CDH13: variants seen among roughly 807,000 people sequenced by gnomAD.
CDH13 encodes the protein cadherin-13.
CDH13 carries 24 observed loss-of-function variants against 63.8 expected under a neutral mutation model. The ratio of observed to expected loss-of-function variants is 0.38; its 90% CI spans 0.27 to 0.53. CDH13 has a LOEUF of 0.53. Ranked by LOEUF, CDH13 falls within the 20% of genes least tolerant of loss-of-function variation. The pLI, the probability that CDH13 is intolerant of heterozygous loss-of-function variation, is 0.85. For synonymous variants in CDH13, 503 were observed against 355.3 expected (o/e 1.42, Z -4.67); for missense variants, 1,049 against 903.1 (o/e 1.16, Z -2.07).
At chr16:82,886,544 C>T (rs1435311518) in intron 2 of CDH13, among the ~76,000 whole-genome samples, 1 of 141,172 alleles carries the variant, frequency 7.1e-6, no homozygotes, top group African/African-American at 2.7e-5. Context: ...AAATTATCAA[C>T]TTAGAATATT....
intron 3 of CDH13, among the ~76,000 whole-genome samples, chr16:83,090,293 G>A (rs1028477226): frequency 2.0e-5 from 3 of 152,196 alleles, no homozygotes; most frequent in Admixed American, 2.0e-4. Flanking sequence ...ATTCGTTTGT[G>A]GGCCGGGCAC....
intron 5 of CDH13, among the ~76,000 whole-genome samples, chr16:83,244,940 G>C (rs144438985): frequency 1.3e-5 from 2 of 152,050 alleles, no homozygotes; most frequent in Non-Finnish European, 2.9e-5. Flanking sequence ...ACGGTGTTCA[G>C]CATAAGCCAT....
intron 1 of CDH13, among the ~76,000 whole-genome samples, chr16:82,852,443 C>T (rs1451256846): frequency 2.0e-5 from 3 of 152,170 alleles, no homozygotes; most frequent in Non-Finnish European, 2.9e-5. Flanking sequence ...GGGAGTCCTT[C>T]CTTCCTATTT....
chr16:83,070,787 G>A (rs1310372195), intron 3 of CDH13, among the ~76,000 whole-genome samples: 1 of 151,000 alleles, frequency 6.6e-6, no homozygotes, highest in South Asian at 2.1e-4. Flanking sequence ...ACCTAGTTCA[G>A]CAAAGGAGTT....
chr16:83,228,366 C>T (rs1014850413), intron 5 of CDH13, among the ~76,000 whole-genome samples: 1 of 152,148 alleles, frequency 6.6e-6, no homozygotes, highest in African/African-American at 2.4e-5. Flanking sequence ...AAAATTATTG[C>T]ATGGTTTGTT....
Position 83,297,647 on chromosome 16 carries a change from T to G in CDH13, c.637-47215T>G, listed in dbSNP as rs139402093. Reference sequence around the variant, plus strand: ...AAAATGTTGGAAAGAGTCCTTGATATATGGAAACTGACAAAGACATAACTT... The same window carrying G: ...AAAATGTTGGAAAGAGTCCTTGATAGATGGAAACTGACAAAGACATAACTT... On this transcript the variant is annotated intron_variant, in intron 5 of 13. Coordinates refer to ENST00000567109, the MANE Select transcript of CDH13 (RefSeq NM_001257.5). Among the ~76,000 whole-genome samples the G allele has an allele frequency of 4.7e-3, 722 of 152,218 alleles. 18 individuals are homozygous for G. Among genetic ancestry groups the G allele is most frequent in the Admixed American group, 0.03 (456 of 15,292 alleles).
chr16:83,174,872 C>G (rs1345277284), intron 4 of CDH13, among the ~76,000 whole-genome samples: 1 of 151,946 alleles, frequency 6.6e-6, no homozygotes, highest in African/African-American at 2.4e-5. Flanking sequence ...GGAGAACTGC[C>G]AAACACTTTT....
intron 4 of CDH13, chr16:83,181,110 T>G (rs1167722185): frequency 6.6e-6 from 7 of 1,065,700 alleles, no homozygotes; most frequent in Admixed American, 2.7e-5. Flanking sequence ...ATCACATTAT[T>G]GGGTATTTGG....
chr16:82,760,233 AG>A (rs1179244888), intron 1 of CDH13, among the ~76,000 whole-genome samples: 2 of 152,120 alleles, frequency 1.3e-5, no homozygotes, highest in Non-Finnish European at 2.9e-5. Flanking sequence ...GTACTTACTG[AG>A]GGGGTAGAAG....
intron 4 of CDH13, among the ~76,000 whole-genome samples, chr16:83,198,483 G>A (rs2038938711): frequency 6.6e-6 from 1 of 152,180 alleles, no homozygotes; most frequent in Non-Finnish European, 1.5e-5. Context: ...AAAGTTGGAT[G>A]TCTTGTTGTG....
intron 1 of CDH13, among the ~76,000 whole-genome samples, chr16:82,752,927 T>C (rs998576935): frequency 1.1e-4 from 17 of 152,234 alleles, no homozygotes; most frequent in African/African-American, 3.6e-4. Flanking sequence ...ATATAATAGA[T>C]AAATAATCTT....
intron 5 of CDH13, among the ~76,000 whole-genome samples, chr16:83,307,117 A>G (rs1387078081): frequency 6.6e-6 from 1 of 152,192 alleles, no homozygotes; most frequent in Non-Finnish European, 1.5e-5. Context: ...GTAACAACAC[A>G]GGGTTTGCAG....
At chr16:83,442,507 G>T (rs772450319) in intron 6 of CDH13, among the ~76,000 whole-genome samples, 3 of 152,076 alleles carry the variant, frequency 2.0e-5, no homozygotes, top group Admixed American at 6.6e-5. Context: ...ACTCAGTGAT[G>T]GATGAGAGAG....
At chr16:83,493,395 C>A (rs2074063408) in intron 7 of CDH13, among the ~76,000 whole-genome samples, 1 of 152,214 alleles carries the variant, frequency 6.6e-6, no homozygotes, top group Non-Finnish European at 1.5e-5. Flanking sequence ...TTGAGCACCA[C>A]AAATGTCTGC....
At chr16:83,220,101 C>G (rs1368699407) in intron 5 of CDH13, among the ~76,000 whole-genome samples, 4 of 152,194 alleles carry the variant, frequency 2.6e-5, no homozygotes, top group African/African-American at 9.7e-5. Flanking sequence ...CTTCAATGGG[C>G]TCATGAGGGC....
intron 7 of CDH13, among the ~76,000 whole-genome samples, chr16:83,574,600 T>G (rs1331796376): frequency 2.0e-5 from 3 of 152,220 alleles, no homozygotes; most frequent in African/African-American, 7.2e-5. Flanking sequence ...TCTTGCGTGC[T>G]CAGTGTCCTC....
At chr16:82,995,076 C>G (rs182199843) in intron 2 of CDH13, among the ~76,000 whole-genome samples, 28 of 152,302 alleles carry the variant, frequency 1.8e-4, no homozygotes, top group African/African-American at 6.7e-4. Flanking sequence ...TAAATGTTAA[C>G]TGCTGCTATC....
intron 6 of CDH13, among the ~76,000 whole-genome samples, chr16:83,345,472 A>T (rs1253454944): frequency 6.6e-6 from 1 of 152,194 alleles, no homozygotes; most frequent in Non-Finnish European, 1.5e-5. Flanking sequence ...GCATGAAGAA[A>T]TCTTTTGTCT....
chr16:83,550,252 C>T (rs2075466063), intron 7 of CDH13, among the ~76,000 whole-genome samples: 1 of 152,202 alleles, frequency 6.6e-6, no homozygotes, highest in Non-Finnish European at 1.5e-5. Flanking sequence ...GTCAGCTGGC[C>T]AGCAGGAGTT....
Sources: gnomAD v4.1 joint callset for allele counts (sites outside exome capture counted in the v4.1 genomes callset) on GRCh38, gnomAD v4.1.1 for gene constraint, MANE v1.5 for transcripts, NCBI Gene and HGNC (gene_info 2026-07-23, HGNC 2026-07-21) for gene names.